TNIK: variants seen among roughly 807,000 people sequenced by gnomAD.
TNIK encodes TRAF2 and NCK interacting kinase.
A neutral mutation model predicts 191.3 loss-of-function variants in TNIK; 49 were observed. That is an observed-to-expected ratio of 0.26 (90% CI 0.20 to 0.32). TNIK has a LOEUF of 0.32. Ranked by LOEUF, TNIK falls within the 10% of genes least tolerant of loss-of-function variation. The pLI, the probability that TNIK is intolerant of heterozygous loss-of-function variation, is 1.00. For missense variants in TNIK, 1,155 were observed against 1,702.3 expected (o/e 0.68, Z 5.66); for synonymous variants, 594 against 600.9 (o/e 0.99, Z 0.17).
chr3:171,293,714 GT>G (rs1268947300), intron 2 of TNIK, among the ~76,000 whole-genome samples: 4 of 152,118 alleles, frequency 2.6e-5, no homozygotes, highest in African/African-American at 9.6e-5. Flanking sequence ...TAGTGATATT[GT>G]TTTTTATTTG....
Position 171,104,710 on chromosome 3 carries a change from T to C in TNIK, c.2406+2473A>G, listed in dbSNP as rs149919302. On this transcript the variant is annotated intron_variant, in intron 21 of 32. Transcript: ENST00000436636. ...AACTATTGTTTAAAAATTTTTAGCT[T>C]TTTTTTCTCTTTGTATTAAACTATT... is the stretch of plus-strand genomic sequence containing the variant. Among the ~76,000 whole-genome samples the C allele has an allele frequency of 1.5e-3, 226 of 152,128 alleles. 2 individuals carry two copies. The highest frequency in any genetic ancestry group is 0.012 in the Admixed American group (177 of 15,292).
chr3:171,095,675 C>T (rs1252916466), intron 22 of TNIK, among the ~76,000 whole-genome samples: 1 of 152,086 alleles, frequency 6.6e-6, no homozygotes, highest in Non-Finnish European at 1.5e-5. Flanking sequence ...CAGAGAAAGA[C>T]ATATTTCAAG....
At position 171,374,842 on chromosome 3, in the gene TNIK, T is replaced by C. The variant is rs568982540; in HGVS notation, c.58-5157A>G. 8.5e-5 allele frequency among the ~76,000 whole-genome samples: 13 copies of C among 152,280 alleles called. No homozygotes were observed. The South Asian group carries it at 2.5e-3, about 29-fold the overall frequency. ...AACGATTCTAAGCATTTTTCATGAA[T>C]AGCTCATTTATCACAGCTTTATCAA... On this transcript the variant is annotated intron_variant, in intron 1 of 32. Coordinates refer to ENST00000436636, the MANE Select transcript of TNIK (RefSeq NM_015028.4).
chr3:171,226,547 C>A lies in TNIK; in HGVS notation c.180+1618G>T, dbSNP rs35178022. Reference sequence around the variant, plus strand: ...TTATGCTTAATCCTCTGTTATTTAGCGTTTTCTTAAACTGAATTAATATAA... The same window carrying A: ...TTATGCTTAATCCTCTGTTATTTAGAGTTTTCTTAAACTGAATTAATATAA... On this transcript the variant is annotated intron_variant, in intron 3 of 32. Coordinates refer to ENST00000436636, the MANE Select transcript of TNIK (RefSeq NM_015028.4). 2.5e-3 allele frequency among the ~76,000 whole-genome samples: 377 copies of A among 152,160 alleles called. 1 individual carries two copies. The highest frequency in any genetic ancestry group is 8.3e-3 in the African/African-American group (346 of 41,542).
intron 1 of TNIK, among the ~76,000 whole-genome samples, chr3:171,432,092 C>T (rs181228207): frequency 3.4e-4 from 51 of 152,122 alleles, no homozygotes; most frequent in African/African-American, 1.1e-3. Flanking sequence ...CTCCTTAAGA[C>T]AAGAGGCAAT....
intron 10 of TNIK, among the ~76,000 whole-genome samples, chr3:171,162,452 A>G (rs1734124011): frequency 6.7e-6 from 1 of 150,206 alleles, no homozygotes; most frequent in African/African-American, 2.5e-5. Flanking sequence ...TAAAAAATGT[A>G]TATCTATATT....
chr3:171,094,270 G>C (rs1722442905), intron 22 of TNIK, among the ~76,000 whole-genome samples: 1 of 151,844 alleles, frequency 6.6e-6, no homozygotes, highest in East Asian at 1.9e-4. Context: ...GAGTAGCTGG[G>C]ACTACAGGCG....
At chr3:171,119,496 G>A (rs993579344) in intron 18 of TNIK, among the ~76,000 whole-genome samples, 5 of 152,124 alleles carry the variant, frequency 3.3e-5, no homozygotes, top group African/African-American at 1.2e-4. Context: ...ACATGCACAC[G>A]TATGTTTATT....
chr3:171,103,450 AT>A (rs2108462827), intron 21 of TNIK, among the ~76,000 whole-genome samples: 1 of 152,306 alleles, frequency 6.6e-6, no homozygotes, highest in Non-Finnish European at 1.5e-5. Context: ...GTCAATGCTT[AT>A]CTTTATCAAA....
chr3:171,409,485 T>C (rs1324920419), intron 1 of TNIK, among the ~76,000 whole-genome samples: 3 of 152,182 alleles, frequency 2.0e-5, no homozygotes, highest in Non-Finnish European at 4.4e-5. Flanking sequence ...TATGTGTTTC[T>C]ATTGACTAAT....
rs1233200094 is a variant in TNIK, at chr3:171,061,357, TTTA to T, written c.*2521_*2523del. 1 of 151,856 alleles carries T rather than the reference TTTA, an allele frequency of 6.6e-6. No homozygotes were observed. Among genetic ancestry groups the T allele is most frequent in the Non-Finnish European group, 1.5e-5 (1 of 67,950 alleles). The allele number at this position is 151,856 out of a possible 1,614,324, so 9.4% of individuals were successfully genotyped here. A position where few individuals can be genotyped will look rare whatever the true frequency, so the allele number is the denominator to read the frequency against. On this transcript the variant is annotated 3_prime_UTR_variant, in exon 33 of 33. Coordinates refer to ENST00000436636, the MANE Select transcript of TNIK (RefSeq NM_015028.4). ...GCATGGCTTGATGTTTAACGTGTGTTTTATTGTTGTTGGCACCAGAAAAGCTCA... is the reference window on the plus strand; with the variant it reads ...GCATGGCTTGATGTTTAACGTGTGTTTTGTTGTTGGCACCAGAAAAGCTCA...
chr3:171,454,986 A>T (rs1320610515), intron 1 of TNIK, among the ~76,000 whole-genome samples: 1 of 152,210 alleles, frequency 6.6e-6, no homozygotes, highest in East Asian at 1.9e-4. Flanking sequence ...ACTTTTTTTA[A>T]AAAAGAAGGT....
Position 171,093,927 on chromosome 3 carries a change from C to A in TNIK, c.2633G>T (p.Gly878Val). The A allele has an allele frequency of 3.1e-6, 5 of 1,613,950 alleles. No homozygotes were observed. Among genetic ancestry groups the A allele is most frequent in the Non-Finnish European group, 3.4e-6 (4 of 1,179,864 alleles). ...CTCCAGCCCATGCGTCCCCACCATT[C>A]CCACATTGTACTGCTCGTTGCTGCC... is the stretch of plus-strand genomic sequence containing the variant. ...APGSNEQYNVGMVGTHGLETS... is the reference protein window; with the variant it reads ...APGSNEQYNVVMVGTHGLETS... Residue 878 changes from glycine to valine, a missense_variant, in exon 23 of 33, where the codon GGA (glycine) becomes GTA (valine). By Grantham distance (109) the Gly-to-Val change is moderately radical. Coordinates refer to ENST00000436636, the MANE Select transcript of TNIK (RefSeq NM_015028.4).
At chr3:171,180,929 G>A (rs1243566649) in intron 7 of TNIK, among the ~76,000 whole-genome samples, 7 of 152,206 alleles carry the variant, frequency 4.6e-5, no homozygotes, top group Non-Finnish European at 5.9e-5. Context: ...CTGAGATTCA[G>A]TGAGGTACTC....
intron 32 of TNIK, 48 bp from the exon 33 acceptor site, chr3:171,064,012 C>T (rs749886771): frequency 1.1e-5 from 18 of 1,566,262 alleles, no homozygotes; most frequent in Middle Eastern, 1.7e-4. Context: ...GTCTTTTCCC[C>T]TCTTTTCTTC....
At chr3:171,199,530 A>G (rs765465014) in intron 4 of TNIK, among the ~76,000 whole-genome samples, 8 of 152,208 alleles carry the variant, frequency 5.3e-5, no homozygotes, top group Non-Finnish European at 1.2e-4. Flanking sequence ...CGATTTACAA[A>G]TGCTTCGTTA....
chr3:171,286,925 G>C (rs1188207438), intron 2 of TNIK, among the ~76,000 whole-genome samples: 5 of 152,164 alleles, frequency 3.3e-5, no homozygotes, highest in Admixed American at 6.5e-5. Context: ...TATGATGCTA[G>C]AATTTTACTT....
At chr3:171,323,337 C>T (rs1050212431) in intron 2 of TNIK, among the ~76,000 whole-genome samples, 1 of 152,094 alleles carries the variant, frequency 6.6e-6, no homozygotes, top group Admixed American at 6.5e-5. Flanking sequence ...TTCACATAAC[C>T]CAACACATAG....
chr3:171,152,291 T>TA (rs1227429130), intron 12 of TNIK, among the ~76,000 whole-genome samples: 32 of 148,498 alleles, frequency 2.2e-4, no homozygotes, highest in South Asian at 1.7e-3. Context: ...ATAAATTAAT[T>TA]AAAAAAAAAG....
Sources: gnomAD v4.1 joint callset for allele counts (sites outside exome capture counted in the v4.1 genomes callset) on GRCh38, gnomAD v4.1.1 for gene constraint, MANE v1.5 for transcripts, NCBI Gene and HGNC (gene_info 2026-07-23, HGNC 2026-07-21) for gene names.